Variants in ATP8A2 observed in about 807,000 individuals in gnomAD.
ATP8A2 encodes ATPase phospholipid transporting 8A2.
ATP8A2 carries 100 observed loss-of-function variants against 165.6 expected under a neutral mutation model. The observed-to-expected ratio is 0.60, with a 90% CI of 0.51 to 0.71. The LOEUF (loss-of-function observed/expected upper bound fraction) is 0.71, where lower values mean the gene tolerates loss of function less well. Among genes scored for constraint, ATP8A2 ranks in the 30% least tolerant of loss-of-function variants. The probability of loss-of-function intolerance (pLI) is 0.00; values close to 1 mark genes in which losing one functional copy is unlikely to be tolerated. For synonymous variants in ATP8A2, 543 were observed against 548.8 expected, an observed-to-expected ratio of 0.99 and a Z score of 0.15; for missense variants, 1,227 against 1,479.5, an observed-to-expected ratio of 0.83 and a Z score of 2.80.
At chr13:25,602,416 T>C (rs950553046) in intron 24 of ATP8A2, among the ~76,000 whole-genome samples, 1 of 152,276 alleles carries the variant, frequency 6.6e-6, no homozygotes, top group African/African-American at 2.4e-5. Context: ...TGGGGCTGTC[T>C]GGACAGGAGA....
At chr13:25,650,875 T>TA (rs2041795869) in intron 24 of ATP8A2, among the ~76,000 whole-genome samples, 1 of 152,196 alleles carries the variant, frequency 6.6e-6, no homozygotes, top group African/African-American at 2.4e-5. Flanking sequence ...TTAAAATACA[T>TA]TATTTGATTT....
chr13:25,721,992 CTG>C (rs1314316996), intron 25 of ATP8A2, among the ~76,000 whole-genome samples: 1 of 152,126 alleles, frequency 6.6e-6, no homozygotes, highest in African/African-American at 2.4e-5. Context: ...TGAATGGTAA[CTG>C]TATGTTTAAC....
chr13:25,944,973 T>G (rs1204949205), intron 33 of ATP8A2, among the ~76,000 whole-genome samples: 1 of 152,028 alleles, frequency 6.6e-6, no homozygotes, highest in Non-Finnish European at 1.5e-5. Context: ...TTTGAAATAA[T>G]GTATATAGGC....
chr13:25,741,415 C>T (rs1156516970), intron 25 of ATP8A2, among the ~76,000 whole-genome samples: 2 of 152,198 alleles, frequency 1.3e-5, no homozygotes, highest in African/African-American at 4.8e-5. Flanking sequence ...GGACTTGCTT[C>T]TGCTGCCCAG....
intron 1 of ATP8A2, among the ~76,000 whole-genome samples, chr13:25,377,370 C>T (rs992488956): frequency 2.6e-5 from 4 of 152,142 alleles, no homozygotes; most frequent in Non-Finnish European, 5.9e-5. Flanking sequence ...GAGTTTCTCC[C>T]CATCATTATC....
At chr13:25,805,434 T>A (rs1176770904) in intron 27 of ATP8A2, among the ~76,000 whole-genome samples, 5 of 152,172 alleles carry the variant, frequency 3.3e-5, no homozygotes, top group African/African-American at 1.2e-4. Flanking sequence ...GAGGATCACC[T>A]GAGCCCAGGG....
chr13:25,634,383 A>G (rs755841109), intron 24 of ATP8A2, among the ~76,000 whole-genome samples: 2 of 152,196 alleles, frequency 1.3e-5, no homozygotes, highest in South Asian at 2.1e-4. Context: ...TAAAATGGTG[A>G]CATTATGCTG....
At chr13:25,564,999 T>C (rs1397273475) in intron 16 of ATP8A2, among the ~76,000 whole-genome samples, 1 of 152,222 alleles carries the variant, frequency 6.6e-6, no homozygotes, top group Non-Finnish European at 1.5e-5. Flanking sequence ...CTTAGAATAA[T>C]AGTCTCCAAT....
chr13:25,964,586 A>G (rs1955734218), intron 34 of ATP8A2, among the ~76,000 whole-genome samples: 2 of 152,346 alleles, frequency 1.3e-5, no homozygotes, highest in Admixed American at 1.3e-4. Context: ...TGCACTGAAC[A>G]AAAATATTAA....
At chr13:25,513,018 C>T (rs1158066007) in intron 2 of ATP8A2, among the ~76,000 whole-genome samples, 69 of 148,286 alleles carry the variant, frequency 4.7e-4, no homozygotes, top group Non-Finnish European at 8.5e-4. Context: ...GCTGACCCCC[C>T]CCACCTCCCT....
chr13:25,397,081 G>A (rs533987664), intron 1 of ATP8A2, among the ~76,000 whole-genome samples: 1 of 152,194 alleles, frequency 6.6e-6, no homozygotes, highest in South Asian at 2.1e-4. Context: ...ATAAAGCCTT[G>A]CTGGACATCC....
chr13:25,731,259 A>G (rs920814730), intron 25 of ATP8A2, among the ~76,000 whole-genome samples: 8 of 150,064 alleles, frequency 5.3e-5, no homozygotes, highest in Non-Finnish European at 3.0e-5. Context: ...GAAGGAAGGA[A>G]GGAAGCGGGA....
At chr13:25,901,057 G>C (rs577212751) in intron 33 of ATP8A2, among the ~76,000 whole-genome samples, 10 of 152,226 alleles carry the variant, frequency 6.6e-5, no homozygotes, top group Non-Finnish European at 1.3e-4. Flanking sequence ...GGGGATGACT[G>C]CATTGCTCTA....
intron 27 of ATP8A2, among the ~76,000 whole-genome samples, chr13:25,781,571 C>G (rs1184686872): frequency 6.6e-6 from 1 of 152,068 alleles, no homozygotes; most frequent in Non-Finnish European, 1.5e-5. Flanking sequence ...TCACTGCAAC[C>G]TCCGCCTTCC....
At chr13:25,862,022 C>T (rs1295785304) in intron 32 of ATP8A2, among the ~76,000 whole-genome samples, 4 of 152,120 alleles carry the variant, frequency 2.6e-5, no homozygotes, top group Non-Finnish European at 4.4e-5. Context: ...GAGAGGGGCC[C>T]GCTGTTACTA....
chr13:25,863,881 A>C (rs1233740055), intron 33 of ATP8A2, among the ~76,000 whole-genome samples: 2 of 152,300 alleles, frequency 1.3e-5, no homozygotes, highest in East Asian at 3.9e-4. Flanking sequence ...CATGCTTTTC[A>C]GTTTTTTTCC....
At chr13:25,842,268 G>A (rs534951110) in intron 30 of ATP8A2, among the ~76,000 whole-genome samples, 1 of 152,312 alleles carries the variant, frequency 6.6e-6, no homozygotes, top group South Asian at 2.1e-4. Flanking sequence ...ATCAAGCAAA[G>A]TGGGGAAATC....
intron 1 of ATP8A2, among the ~76,000 whole-genome samples, chr13:25,467,794 G>A (rs1307565761): frequency 6.6e-6 from 1 of 152,008 alleles, no homozygotes; most frequent in African/African-American, 2.4e-5. Context: ...CTCGTGATCC[G>A]CCCGCTTCGG....
At chr13:25,898,784 G>C (rs1362646592) in intron 33 of ATP8A2, among the ~76,000 whole-genome samples, 2 of 152,196 alleles carry the variant, frequency 1.3e-5, no homozygotes, top group Admixed American at 1.3e-4. Context: ...TCAGACTACT[G>C]TACTAGCAAT....
Sources: gnomAD v4.1 joint callset for allele counts (sites outside exome capture counted in the v4.1 genomes callset) on GRCh38, gnomAD v4.1.1 for gene constraint, MANE v1.5 for transcripts, NCBI Gene and HGNC (gene_info 2026-07-23, HGNC 2026-07-21) for gene names.